Variants in PKD2 observed in about 807,000 individuals in gnomAD.
The protein encoded by PKD2 is polycystin 2, transient receptor potential cation channel.
Under a neutral mutation model 105.9 loss-of-function variants are expected in PKD2, and 48 were observed. The ratio of observed to expected loss-of-function variants is 0.45; its 90% CI spans 0.36 to 0.58. The LOEUF is 0.58. Ranked by LOEUF, PKD2 falls within the 20% of genes least tolerant of loss-of-function variation. The probability of loss-of-function intolerance (pLI) is 0.00; values close to 1 mark genes in which losing one functional copy is unlikely to be tolerated. For synonymous variants in PKD2, 464 were observed against 481.1 expected, an observed-to-expected ratio of 0.96 and a Z score of 0.46; for missense variants, 1,078 against 1,255.3, an observed-to-expected ratio of 0.86 and a Z score of 2.13.
intron 1 of PKD2, among the ~76,000 whole-genome samples, chr4:88,012,239 C>G (rs1726407812): frequency 6.6e-6 from 1 of 152,216 alleles, no homozygotes; most frequent in Admixed American, 6.5e-5. Context: ...AAAGAACTCT[C>G]ATCCGTCACC....
intron 2 of PKD2, among the ~76,000 whole-genome samples, chr4:88,022,823 C>G (rs926923543): frequency 1.3e-5 from 2 of 152,286 alleles, no homozygotes; most frequent in East Asian, 3.9e-4. Flanking sequence ...TGGATCAGGC[C>G]TGTAATCTCA....
At chr4:88,069,048 A>C (rs1190544088) in intron 13 of PKD2, among the ~76,000 whole-genome samples, 2 of 152,188 alleles carry the variant, frequency 1.3e-5, no homozygotes, top group Non-Finnish European at 2.9e-5. Flanking sequence ...GATGTTATCC[A>C]CTTTATCTCT....
chr4:88,019,361 G>A, intron 1 of PKD2, 97 bp from the exon 2 acceptor site: 2 of 701,400 alleles, frequency 2.9e-6, no homozygotes, highest in Non-Finnish European at 2.5e-6. Context: ...TCCCTTATAG[G>A]TGAACTTTTT....
At chr4:88,070,078 T>C (rs1280375791) in intron 13 of PKD2, among the ~76,000 whole-genome samples, 1 of 152,224 alleles carries the variant, frequency 6.6e-6, no homozygotes, top group Non-Finnish European at 1.5e-5. Flanking sequence ...AGAATTTCCT[T>C]TAGTATTTTT....
At chr4:88,059,155 G>A (rs923727591) in intron 9 of PKD2, among the ~76,000 whole-genome samples, 1 of 151,848 alleles carries the variant, frequency 6.6e-6, no homozygotes, top group Admixed American at 6.6e-5. Context: ...TTTTTTTTCC[G>A]GGGAGACACA....
intron 13 of PKD2, among the ~76,000 whole-genome samples, chr4:88,068,519 T>C (rs754233989): frequency 6.6e-6 from 1 of 152,120 alleles, no homozygotes; most frequent in Non-Finnish European, 1.5e-5. Flanking sequence ...CATAATATGT[T>C]TACTATAAAA....
chr4:88,029,431 C>T (rs958847130), intron 2 of PKD2, among the ~76,000 whole-genome samples: 2 of 152,096 alleles, frequency 1.3e-5, no homozygotes, highest in Non-Finnish European at 1.5e-5. Context: ...CTCTCACAGG[C>T]CTCTCTCATT....
At position 88,074,844 on chromosome 4, in the gene PKD2, C is replaced by G. The variant is rs773003992; in HGVS notation, c.2555C>G (p.Ser852Cys). ...AGACGAGTGGACCGGATGGAGCATT[C>G]CATCGGCAGCATAGTGTCCAAGATT... ...LVRRVDRMEH[S>C]IGSIVSKIDA... The change falls in exon 14 of 15, where the codon TCC becomes TGC. Residue 852 changes from serine (S) to cysteine (C), a missense_variant. Ser to Cys is a moderately radical substitution (Grantham distance 112). Coordinates refer to ENST00000237596, the MANE Select transcript of PKD2 (RefSeq NM_000297.4). 1.6e-5 allele frequency: 26 copies of G among 1,613,944 alleles called. No individual in the cohort carries two copies. The highest frequency in any genetic ancestry group is 1.9e-5 in the Non-Finnish European group (23 of 1,179,966).
At chr4:88,059,555 G>C (rs1273523708) in intron 9 of PKD2, among the ~76,000 whole-genome samples, 1 of 152,040 alleles carries the variant, frequency 6.6e-6, no homozygotes, top group African/African-American at 2.4e-5. Context: ...GTTTGAATGT[G>C]GTCCTTTAGT....
At chr4:88,049,273 A>G (rs1361613625) in intron 6 of PKD2, among the ~76,000 whole-genome samples, 2 of 152,252 alleles carry the variant, frequency 1.3e-5, no homozygotes, top group African/African-American at 4.8e-5. Flanking sequence ...AAAAGTTAAT[A>G]CAAATAGAAT....
chr4:88,065,728 A>G (rs777099102), intron 11 of PKD2, 34 bp from the exon 12 acceptor site: 8 of 1,478,582 alleles, frequency 5.4e-6, no homozygotes, highest in Middle Eastern at 1.7e-4. Flanking sequence ...GGTACAAGGA[A>G]TGATTTTTAT....
intron 10 of PKD2, among the ~76,000 whole-genome samples, chr4:88,064,638 A>G (rs763259574): frequency 3.3e-5 from 5 of 152,210 alleles, no homozygotes; most frequent in Middle Eastern, 3.4e-3. Context: ...CACCCCTGTA[A>G]TCCTAGCACT....
intron 7 of PKD2, among the ~76,000 whole-genome samples, chr4:88,055,353 T>G (rs1720285284): frequency 6.6e-6 from 1 of 152,168 alleles, no homozygotes; most frequent in African/African-American, 2.4e-5. Context: ...GTGTGAAGTT[T>G]TTTCCCTCCC....
At position 88,027,912 on chromosome 4, in the gene PKD2, T is replaced by G. The variant is rs1315568480; in HGVS notation, c.710-8308T>G. On this transcript the variant is annotated intron_variant, in intron 2 of 14. Transcript: ENST00000237596. ...CTTTGCCTTCTGCCATGATTGTAAGTTTCCTGAGGTCTCCCCAGCCATTCA... is the reference window on the plus strand; with the variant it reads ...CTTTGCCTTCTGCCATGATTGTAAGGTTCCTGAGGTCTCCCCAGCCATTCA... Among the ~76,000 whole-genome samples, 4 of 152,350 alleles carry G rather than the reference T, an allele frequency of 2.6e-5. No individual in the cohort carries two copies. The East Asian group carries it at 5.8e-4, about 22-fold the overall frequency.
intron 4 of PKD2, 99 bp downstream of exon 4, chr4:88,038,600 C>G: frequency 4.7e-6 from 6 of 1,283,152 alleles, no homozygotes; most frequent in Non-Finnish European, 6.8e-6. Context: ...TTCACCAAGG[C>G]AAAAATAAGT....
intron 2 of PKD2, among the ~76,000 whole-genome samples, chr4:88,030,416 TC>T (rs1279754166): frequency 6.6e-6 from 1 of 152,182 alleles, no homozygotes; most frequent in African/African-American, 2.4e-5. Context: ...GGATCACTCT[TC>T]CATTTAACAT....
In PKD2 at chr4:88,007,709, C is replaced by G. The variant is rs1288057838; in HGVS notation, c.-25C>G. The G allele has an allele frequency of 1.8e-5, 21 of 1,179,816 alleles. No homozygotes were observed. The highest frequency in any genetic ancestry group is 7.2e-5 in the South Asian group (3 of 41,678). The allele number at this position is 1,179,816 out of a possible 1,614,324, so 73.1% of individuals were successfully genotyped here. A position where few individuals can be genotyped will look rare whatever the true frequency, so the allele number is the denominator to read the frequency against. ...AGCGCCGAGCGCGGCGCCGCGCACC[C>G]GCGCGCCGGACGCCAGTGACCGCGA... On this transcript the variant is annotated 5_prime_UTR_variant, in exon 1 of 15. Coordinates refer to ENST00000237596, the MANE Select transcript of PKD2 (RefSeq NM_000297.4).
intron 10 of PKD2, among the ~76,000 whole-genome samples, chr4:88,062,294 T>A (rs1023767685): frequency 2.0e-5 from 3 of 152,176 alleles, no homozygotes; most frequent in African/African-American, 4.8e-5. Context: ...TATTTTGACA[T>A]CTCCTGTAGC....
chr4:88,036,111 A>C, intron 2 of PKD2, 109 bp from the exon 3 acceptor site: 3 of 1,572,836 alleles, frequency 1.9e-6, no homozygotes, highest in Non-Finnish European at 2.6e-6. Context: ...CCTTGTGTGA[A>C]TTTGTCCAAA....
Sources: allele counts gnomAD v4.1 joint callset (sites outside exome capture counted in the v4.1 genomes callset), GRCh38; gene constraint gnomAD v4.1.1; transcripts MANE v1.5; gene names NCBI Gene and HGNC (gene_info 2026-07-23, HGNC 2026-07-21).